XPNPEP3: variants seen among roughly 807,000 people sequenced by gnomAD.
The protein encoded by XPNPEP3 is xaa-Pro aminopeptidase 3.
Under a neutral mutation model 60.0 loss-of-function variants are expected in XPNPEP3, and 41 were observed. The ratio of observed to expected loss-of-function variants is 0.68; its 90% CI spans 0.53 to 0.89. XPNPEP3 has a LOEUF of 0.89. Among genes scored for constraint, XPNPEP3 ranks in the 40% least tolerant of loss-of-function variants. The pLI is 0.00. For synonymous variants in XPNPEP3, 212 were observed against 223.2 expected (o/e 0.95, Z 0.45); for missense variants, 598 against 638.9 (o/e 0.94, Z 0.69).
Position 40,926,255 on chromosome 22 carries a change from T to A in XPNPEP3, c.1358-14T>A. The A allele has an allele frequency of 6.2e-7, 1 of 1,614,186 alleles. No homozygotes were observed. Among genetic ancestry groups the A allele is most frequent in the Non-Finnish European group, 8.5e-7 (1 of 1,180,030 alleles). On this transcript the variant is annotated splice_polypyrimidine_tract_variant and intron_variant, in intron 9 of 9. Coordinates refer to ENST00000357137, the MANE Select transcript of XPNPEP3 (RefSeq NM_022098.4). ...ATCATTCCTGAACAGCATGTTCTTC[T>A]TTCTACTTCACAGGCATTTATATTC...
chr22:40,862,874 AT>A, intron 1 of XPNPEP3: 1 of 351,000 alleles, frequency 2.8e-6, no homozygotes, highest in Non-Finnish European at 4.0e-6. Flanking sequence ...TGGTGCTTGC[AT>A]TATAATAGAA....
At chr22:40,891,054 A>G (rs2058086314) in intron 4 of XPNPEP3, among the ~76,000 whole-genome samples, 1 of 151,612 alleles carries the variant, frequency 6.6e-6, no homozygotes, top group Non-Finnish European at 1.5e-5. Context: ...AAAAAGTTAC[A>G]TGATTTGGCC....
intron 4 of XPNPEP3, among the ~76,000 whole-genome samples, chr22:40,896,528 G>T (rs768597190): frequency 1.3e-5 from 2 of 151,946 alleles, no homozygotes; most frequent in Non-Finnish European, 2.9e-5. Context: ...TTAGCCGGGC[G>T]TGGGACACAT....
At chr22:40,902,313 C>T (rs1309737846) in intron 4 of XPNPEP3, among the ~76,000 whole-genome samples, 8 of 142,272 alleles carry the variant, frequency 5.6e-5, no homozygotes, top group Non-Finnish European at 1.5e-5. Flanking sequence ...TGCAGTGGCG[C>T]GATCTTGGCT....
intron 4 of XPNPEP3, among the ~76,000 whole-genome samples, chr22:40,897,362 G>C (rs1431563478): frequency 1.3e-5 from 2 of 151,968 alleles, no homozygotes; most frequent in Non-Finnish European, 2.9e-5. Flanking sequence ...GGACACTTGG[G>C]TTGTTTCCAT....
intron 6 of XPNPEP3, among the ~76,000 whole-genome samples, chr22:40,912,578 A>G (rs964822943): frequency 1.3e-5 from 2 of 152,166 alleles, no homozygotes; most frequent in Admixed American, 6.6e-5. Context: ...AAAAGTAAAC[A>G]TACAGGGCCA....
chr22:40,883,829 T>C (rs2146251905), intron 3 of XPNPEP3, among the ~76,000 whole-genome samples: 1 of 152,324 alleles, frequency 6.6e-6, no homozygotes, highest in South Asian at 2.1e-4. Context: ...CTCTGGGAAG[T>C]ATTTTATTTT....
At chr22:40,923,181 C>A (rs2058223084) in intron 8 of XPNPEP3, among the ~76,000 whole-genome samples, 1 of 151,508 alleles carries the variant, frequency 6.6e-6, no homozygotes, top group Non-Finnish European at 1.5e-5. Flanking sequence ...CCACTGCACT[C>A]CAACCCGGGC....
intron 1 of XPNPEP3, among the ~76,000 whole-genome samples, chr22:40,868,182 T>A (rs570361475): frequency 6.6e-6 from 1 of 152,216 alleles, no homozygotes; most frequent in Non-Finnish European, 1.5e-5. Flanking sequence ...TAAGCATTTT[T>A]CATAAATTAT....
intron 4 of XPNPEP3, chr22:40,907,005 C>T: frequency 4.4e-6 from 2 of 454,736 alleles, no homozygotes; most frequent in Non-Finnish European, 4.4e-6. Context: ...GGGCAGAGCC[C>T]TCGTGATTTA....
At chr22:40,883,069 A>T (rs946121886) in intron 3 of XPNPEP3, among the ~76,000 whole-genome samples, 1 of 152,140 alleles carries the variant, frequency 6.6e-6, no homozygotes. Flanking sequence ...AAAAATAAAT[A>T]AATTAAGGAC....
chr22:40,908,401 C>A (rs2058164454), intron 5 of XPNPEP3, among the ~76,000 whole-genome samples: 1 of 152,074 alleles, frequency 6.6e-6, no homozygotes, highest in South Asian at 2.1e-4. Flanking sequence ...CACCTGTAGT[C>A]CAGTTACTCT....
chr22:40,882,878 A>G (rs1351656048), intron 3 of XPNPEP3, among the ~76,000 whole-genome samples: 2 of 152,184 alleles, frequency 1.3e-5, no homozygotes, highest in South Asian at 2.1e-4. Flanking sequence ...TTATTCATTA[A>G]TGGAGACTGT....
intron 1 of XPNPEP3, chr22:40,861,549 T>A: frequency 1.2e-6 from 2 of 1,613,310 alleles, no homozygotes; most frequent in Non-Finnish European, 1.7e-6. Flanking sequence ...TGAAGAAAAT[T>A]TCTCAAAAAT....
At chr22:40,905,460 G>A (rs1311338882) in intron 4 of XPNPEP3, among the ~76,000 whole-genome samples, 1 of 152,150 alleles carries the variant, frequency 6.6e-6, no homozygotes, top group East Asian at 1.9e-4. Flanking sequence ...TCTGGGTTCT[G>A]AGGATACATT....
rs1269926729 is a variant in XPNPEP3 at position 40,898,302 on chromosome 22, G to A, written c.793-9285G>A. Among the ~76,000 whole-genome samples the A allele has an allele frequency of 6.6e-5, 7 of 106,214 alleles. 1 individual carries two copies. In the East Asian group the frequency reaches 9.9e-4, roughly 15 times the overall value. 69.7% of individuals were successfully genotyped at this position (106,214 alleles called of 152,430 possible). A position where few individuals can be genotyped will look rare whatever the true frequency, so the allele number is the denominator to read the frequency against. On this transcript the variant is annotated intron_variant, in intron 4 of 9. Transcript: ENST00000357137. Reference sequence around the variant, plus strand: ...CGCTCTGTCGCCCAGGTCGGACTGCGGACTGCAGTGGCGCAATCTCGGCTC... The same window carrying A: ...CGCTCTGTCGCCCAGGTCGGACTGCAGACTGCAGTGGCGCAATCTCGGCTC...
intron 8 of XPNPEP3, among the ~76,000 whole-genome samples, chr22:40,923,394 G>A (rs748216063): frequency 4.0e-5 from 6 of 151,830 alleles, no homozygotes; most frequent in African/African-American, 1.2e-4. Context: ...CAGTAAAAAC[G>A]TAAAACCTCA....
Position 40,926,591 on chromosome 22 carries a change from GT to G in XPNPEP3, c.*162del. 1.0e-6 allele frequency: 1 copy of G among 977,746 alleles called. No individual in the cohort carries two copies. Among genetic ancestry groups the G allele is most frequent in the Non-Finnish European group, 1.6e-6 (1 of 632,936 alleles). The allele number at this position is 977,746 out of a possible 1,614,324, so 60.6% of individuals were successfully genotyped here. ...GAATGTATGTAATTGTGTGTGGGGG[GT>G]TTTTTGTTTTAAGTAGTTAGAAGTC... is the stretch of plus-strand genomic sequence containing the variant. On this transcript the variant is annotated 3_prime_UTR_variant, in exon 10 of 10. Coordinates refer to ENST00000357137, the MANE Select transcript of XPNPEP3 (RefSeq NM_022098.4).
chr22:40,897,241 G>A (rs1305351180), intron 4 of XPNPEP3, among the ~76,000 whole-genome samples: 1 of 151,934 alleles, frequency 6.6e-6, no homozygotes, highest in African/African-American at 2.4e-5. Context: ...TGTTAGCCAG[G>A]ATGGTCTCGA....
Sources: allele counts gnomAD v4.1 joint callset (sites outside exome capture counted in the v4.1 genomes callset), GRCh38; gene constraint gnomAD v4.1.1; transcripts MANE v1.5; gene names NCBI Gene and HGNC (gene_info 2026-07-23, HGNC 2026-07-21).